HERC5: variants seen among roughly 807,000 people sequenced by gnomAD.
The protein encoded by HERC5 is E3 ISG15--protein ligase HERC5.
Under a neutral mutation model 119.6 loss-of-function variants are expected in HERC5, and 99 were observed. That is an observed-to-expected ratio of 0.83 (90% confidence interval 0.70 to 0.98). The LOEUF (loss-of-function observed/expected upper bound fraction) is 0.98, where lower values mean the gene tolerates loss of function less well. Ranked by LOEUF, HERC5 falls within the 50% of genes least tolerant of loss-of-function variation. The pLI is 0.00. For synonymous variants in HERC5, 478 were observed against 445.9 expected, an observed-to-expected ratio of 1.07 and a Z score of -0.91; for missense variants, 1,267 against 1,241.3, an observed-to-expected ratio of 1.02 and a Z score of -0.31.
In HERC5 at chr4:88,487,072, G is replaced by A. The variant is rs562419662; in HGVS notation, c.1855G>A (p.Ala619Thr). ...RRYLWKMTVD[A>T]SENVQCCVIF... ...TTATTGTCATTTCCATTTTTAGGACGCTTCAGAAAATGTACAATGCTGCGT... is the reference window on the plus strand; with the variant it reads ...TTATTGTCATTTCCATTTTTAGGACACTTCAGAAAATGTACAATGCTGCGT... The change falls in exon 15 of 23, where the codon GCT becomes ACT. Residue 619 changes from alanine to threonine, a missense_variant. Physicochemically the swap from Ala to Thr is moderately conservative, Grantham distance 58. This residue lies in a region of HERC5 where 17 missense variants were observed against 37.7 expected (regional missense o/e 0.45). Transcript: ENST00000264350. The A allele has an allele frequency of 9.5e-5, 153 of 1,602,700 alleles. 1 individual carries two copies. Among genetic ancestry groups the A allele is most frequent in the South Asian group, 8.9e-4 (80 of 89,810 alleles).
intron 18 of HERC5, among the ~76,000 whole-genome samples, chr4:88,495,744 TAAGAC>T (rs961112436): frequency 4.0e-5 from 6 of 151,118 alleles, no homozygotes; most frequent in South Asian, 2.1e-4. Context: ...ACTGTACTAA[TAAGAC>T]AAGGAAAAAA....
chr4:88,502,569 C>T (rs939751737), intron 20 of HERC5, among the ~76,000 whole-genome samples: 2 of 151,616 alleles, frequency 1.3e-5, no homozygotes, highest in Non-Finnish European at 2.9e-5. Context: ...GATTTGGAGG[C>T]GAAAGGGGAA....
At chr4:88,485,552 T>G (rs1432447858) in intron 13 of HERC5, among the ~76,000 whole-genome samples, 1 of 152,200 alleles carries the variant, frequency 6.6e-6, no homozygotes, top group Admixed American at 6.5e-5. Flanking sequence ...GTAATTTATT[T>G]CAGGATAACG....
At chr4:88,480,296 A>G (rs1390190309) in intron 13 of HERC5, among the ~76,000 whole-genome samples, 2 of 152,092 alleles carry the variant, frequency 1.3e-5, no homozygotes, top group Non-Finnish European at 2.9e-5. Context: ...CTTACACTCA[A>G]TGTTTTATAG....
At position 88,469,261 on chromosome 4, in the gene HERC5, G is replaced by GT. The variant is rs1332262477; in HGVS notation, c.1238+2dup. 1 of 1,594,222 alleles carries GT rather than the reference G, an allele frequency of 6.3e-7. No homozygotes were observed. The highest frequency in any genetic ancestry group is 2.2e-5 in the East Asian group (1 of 44,780). On this transcript the variant is annotated splice_donor_variant, in intron 9 of 22. Coordinates refer to ENST00000264350, the MANE Select transcript of HERC5 (RefSeq NM_016323.4). LOFTEE classifies it high-confidence loss of function. ...CTAAACGGTGGCAGAGCACAAAAAG[G>GT]TACACCCCACAGTCTGACTCTCTGC...
chr4:88,491,590 C>T (rs925598650), intron 16 of HERC5, among the ~76,000 whole-genome samples: 5 of 152,010 alleles, frequency 3.3e-5, no homozygotes, highest in South Asian at 2.1e-4. Context: ...AATGAGTTAA[C>T]GAAATCAAGG....
rs1273807779 is a variant in HERC5, at chr4:88,499,054, T to C, written c.2445-872T>C. ...AAAAATCAGTTCAGATTCCACCTTA[T>C]CCCAGAGGCCTTTCCCAATGTCATG... is the stretch of plus-strand genomic sequence containing the variant. On this transcript the variant is annotated intron_variant, in intron 18 of 22. Coordinates refer to ENST00000264350, the MANE Select transcript of HERC5 (RefSeq NM_016323.4). Among the ~76,000 whole-genome samples the C allele has an allele frequency of 2.0e-5, 3 of 152,202 alleles. No homozygotes were observed. The East Asian group carries it at 5.8e-4, about 29-fold the overall frequency.
chr4:88,504,390 A>AT lies in HERC5; in HGVS notation c.2743dup (p.Tyr915LeufsTer2). 1 of 1,604,156 alleles carries AT rather than the reference A, an allele frequency of 6.2e-7. No individual in the cohort carries two copies. ...AAGGATGTGATTGTTGGAAATACAG[A>AT]TTATGATTGGAAAACATTTGAAAAG... On this transcript the variant is annotated frameshift_variant, in exon 21 of 23. Transcript: ENST00000264350. LOFTEE classifies it high-confidence loss of function.
At chr4:88,462,387 C>T (rs779288540) in intron 4 of HERC5, 31 bp downstream of exon 4, 26 of 1,554,434 alleles carry the variant, frequency 1.7e-5, no homozygotes, top group Admixed American at 1.0e-4. Context: ...TTCCTATTAC[C>T]AACAGATATA....
chr4:88,461,181 G>A (rs916981224), intron 3 of HERC5, among the ~76,000 whole-genome samples: 1 of 152,186 alleles, frequency 6.6e-6, no homozygotes, highest in African/African-American at 2.4e-5. Context: ...GGCCTGTTGA[G>A]ATTTGATAGT....
In HERC5 at chr4:88,479,418, G is replaced by A. The variant is rs367799604; in HGVS notation, c.1648G>A (p.Val550Ile). The change falls in exon 13 of 23, where the codon GTC becomes ATC. Residue 550 changes from valine (V) to isoleucine (I), a missense_variant. By Grantham distance (29) the Val-to-Ile change is conservative (BLOSUM62 3). This residue lies in a region of HERC5 where 777 missense variants were observed against 758.0 expected (regional missense o/e 1.03). Coordinates refer to ENST00000264350, the MANE Select transcript of HERC5 (RefSeq NM_016323.4). The stretch of plus-strand genomic sequence containing the variant: ...ACTGGTCCAGATGTTTAAAACAGCC[G>A]TCATATGCCAGTTGGATTACTGGGA... ...SKLVQMFKTA[V>I]ICQLDYWDES... 1.7e-5 allele frequency: 28 copies of A among 1,613,240 alleles called. No homozygotes were observed. In the East Asian group the frequency reaches 1.8e-4, roughly 10 times the overall value.
chr4:88,459,480 T>G lies in HERC5; in HGVS notation c.389+10T>G. 1 of 1,494,342 alleles carries G rather than the reference T, an allele frequency of 6.7e-7. No individual in the cohort carries two copies. Among genetic ancestry groups the G allele is most frequent in the Non-Finnish European group, 9.0e-7 (1 of 1,113,722 alleles). The allele number at this position is 1,494,342 out of a possible 1,614,324, so 92.6% of individuals were successfully genotyped here. ...GCATGAAACATCTAAGGTAGGGAAC[T>G]TTTTTCTTTTATTAAAAATTAATTT... On this transcript the variant is annotated intron_variant, in intron 2 of 22. Transcript: ENST00000264350.
chr4:88,493,940 T>C (rs886652945), intron 17 of HERC5, among the ~76,000 whole-genome samples: 58 of 148,616 alleles, frequency 3.9e-4, no homozygotes, highest in African/African-American at 1.4e-3. Context: ...AAATATTAGG[T>C]TGGTGCAAAA....
At chr4:88,499,464 G>A (rs572193825) in intron 18 of HERC5, among the ~76,000 whole-genome samples, 16 of 152,302 alleles carry the variant, frequency 1.1e-4, no homozygotes, top group African/African-American at 2.9e-4. Context: ...AATTTCAGGT[G>A]TTTCTTAAGC....
chr4:88,494,280 A>C lies in HERC5; in HGVS notation c.2393A>C (p.Asp798Ala). The change falls in exon 18 of 23, where the codon GAC (aspartate) becomes GCC (alanine). Residue 798 changes from aspartate (D) to alanine (A), a missense_variant. Asp to Ala is a moderately radical substitution (Grantham distance 126). This residue lies in a region of HERC5 where 473 missense variants were observed against 445.7 expected (regional missense o/e 1.06). Coordinates refer to ENST00000264350, the MANE Select transcript of HERC5 (RefSeq NM_016323.4). ...CTGGCACTGTTTAAGAAACTTTTGGACCAAATGCCATCATTGGAAGACTTG... is the reference window on the plus strand; with the variant it reads ...CTGGCACTGTTTAAGAAACTTTTGGCCCAAATGCCATCATTGGAAGACTTG... Reference protein sequence around the residue: ...FPLALFKKLLDQMPSLEDLKE... With the variant: ...FPLALFKKLLAQMPSLEDLKE... The C allele has an allele frequency of 6.2e-7, 1 of 1,613,446 alleles. No individual in the cohort carries two copies. Among genetic ancestry groups the C allele is most frequent in the Middle Eastern group, 1.7e-4 (1 of 6,056 alleles).
rs780061270 is a variant in HERC5, at chr4:88,463,919, A to G, written c.845A>G (p.Asn282Ser). Reference sequence around the variant, plus strand: ...CAACTTGGTCATAATTCAACACAGAATGAGCTAAGACCCTGTTTGGTGGCT... The same window carrying G: ...CAACTTGGTCATAATTCAACACAGAGTGAGCTAAGACCCTGTTTGGTGGCT... ...HGQLGHNSTQ[N>S]ELRPCLVAEL... Residue 282 changes from asparagine (N) to serine (S), a missense_variant, in exon 6 of 23, where the codon AAT becomes AGT. Physicochemically the swap from Asn to Ser is conservative, Grantham distance 46 (BLOSUM62 1). Around this residue, in one of 3 missense-constraint regions of HERC5, gnomAD observed 777 missense variants for 758.0 expected, o/e 1.03. Coordinates refer to ENST00000264350, the MANE Select transcript of HERC5 (RefSeq NM_016323.4). The G allele has an allele frequency of 6.2e-7, 1 of 1,613,984 alleles. No homozygotes were observed. Among genetic ancestry groups the G allele is most frequent in the East Asian group, 2.2e-5 (1 of 44,878 alleles).
chr4:88,466,987 T>C (rs1051280547), intron 6 of HERC5, 72 bp from the exon 7 acceptor site: 1 of 1,484,914 alleles, frequency 6.7e-7, no homozygotes, highest in Non-Finnish European at 9.3e-7. Flanking sequence ...GTTTTGGCAA[T>C]TTACTGTATT....
At chr4:88,476,127 C>T in intron 12 of HERC5, 97 bp downstream of exon 12, 1 of 965,126 alleles carries the variant, frequency 1.0e-6, no homozygotes, top group Non-Finnish European at 1.5e-6. Context: ...GAAATGTATT[C>T]ATTTTTTTTT....
chr4:88,481,992 GTCT>G (rs1578056117), intron 13 of HERC5, among the ~76,000 whole-genome samples: 1 of 152,290 alleles, frequency 6.6e-6, no homozygotes, highest in East Asian at 1.9e-4. Flanking sequence ...AGAAATCTCA[GTCT>G]TCTTAAAATT....
Sources: allele counts gnomAD v4.1 joint callset (sites outside exome capture counted in the v4.1 genomes callset), GRCh38; gene constraint gnomAD v4.1.1; regional missense constraint gnomAD v4.1.1; transcripts MANE v1.5; gene names NCBI Gene and HGNC (gene_info 2026-07-23, HGNC 2026-07-21).